The following ERC1 variants were observed in gnomAD, a reference collection of about 807,000 sequenced individuals.
The protein encoded by ERC1 is ELKS/RAB6-interacting/CAST family member 1, also known as RAB6 interacting protein 2.
A neutral mutation model predicts 132.0 loss-of-function variants in ERC1; 56 were observed. The observed-to-expected ratio is 0.42, with a 90% confidence interval of 0.34 to 0.53. The LOEUF (loss-of-function observed/expected upper bound fraction) is 0.53, where lower values mean the gene tolerates loss of function less well. Ranked by LOEUF, ERC1 falls within the 20% of genes least tolerant of loss-of-function variation. The pLI is 0.03. For synonymous variants in ERC1, 478 were observed against 476.1 expected (o/e 1.00, Z -0.05); for missense variants, 1,202 against 1,349.9 (o/e 0.89, Z 1.72).
chr12:1,290,849 C>T (rs1468014946), intron 15 of ERC1, among the ~76,000 whole-genome samples: 1 of 152,094 alleles, frequency 6.6e-6, no homozygotes, highest in Non-Finnish European at 1.5e-5. Flanking sequence ...TTTTCTCCTT[C>T]ATAAGGCCAG....
chr12:1,209,128 C>T lies in ERC1; in HGVS notation c.2351+19076C>T, dbSNP rs1022639878. Reference sequence around the variant, plus strand: ...GGATTACAGGGGTGTGCCACCATGCCCAGCTAATTTTTGTATTTTTAGTAG... The same window carrying T: ...GGATTACAGGGGTGTGCCACCATGCTCAGCTAATTTTTGTATTTTTAGTAG... On this transcript the variant is annotated intron_variant, in intron 12 of 18. Transcript: ENST00000360905. Among the ~76,000 whole-genome samples the T allele has an allele frequency of 2.0e-5, 3 of 151,904 alleles. 1 individual carries two copies. The highest frequency in any genetic ancestry group is 1.3e-4 in the Admixed American group (2 of 15,232).
At chr12:1,488,792 A>AT (rs1276302338) in intron 18 of ERC1, among the ~76,000 whole-genome samples, 4 of 152,108 alleles carry the variant, frequency 2.6e-5, no homozygotes, top group Non-Finnish European at 5.9e-5. Flanking sequence ...GTCAGAAATG[A>AT]TTCTCCAGTT....
intron 8 of ERC1, among the ~76,000 whole-genome samples, chr12:1,146,204 C>T (rs1950325454): frequency 1.3e-5 from 2 of 151,526 alleles, no homozygotes; most frequent in African/African-American, 4.9e-5. Flanking sequence ...CATCCATGAG[C>T]ATGGGATGTG....
At chr12:1,464,472 C>T (rs1270778774) in intron 18 of ERC1, among the ~76,000 whole-genome samples, 1 of 144,086 alleles carries the variant, frequency 6.9e-6, no homozygotes, top group Non-Finnish European at 1.5e-5. Context: ...GAATTCAGTT[C>T]TCATGTACCT....
intron 7 of ERC1, among the ~76,000 whole-genome samples, chr12:1,122,249 C>CTCTA (rs1262227101): frequency 1.2e-4 from 1 of 8,102 alleles, no homozygotes; most frequent in Non-Finnish European, 2.9e-4. Flanking sequence ...GTGTCTCTAT[C>CTCTA]TCTATCTCTA....
chr12:1,309,652 CAG>C (rs1314928390), intron 15 of ERC1, among the ~76,000 whole-genome samples: 2 of 151,560 alleles, frequency 1.3e-5, no homozygotes, highest in Non-Finnish European at 1.5e-5. Flanking sequence ...CTTGCTCTAA[CAG>C]ACACACACAT....
intron 14 of ERC1, among the ~76,000 whole-genome samples, chr12:1,284,264 T>TTGTG (rs1566481660): frequency 2.2e-5 from 2 of 92,208 alleles, no homozygotes; most frequent in Non-Finnish European, 4.7e-5. Flanking sequence ...TGAATAGTAT[T>TTGTG]CGTGTGTGTG....
At position 1,027,751 on chromosome 12, in the gene ERC1, T is replaced by C. The variant is rs1036185674; in HGVS notation, c.-153T>C. On this transcript the variant is annotated 5_prime_UTR_variant, in exon 2 of 19. The change abolishes an upstream ATG in the 5' untranslated region. Coordinates refer to ENST00000360905, the MANE Select transcript of ERC1 (RefSeq NM_178040.4). ...ATGTGTGATCTTTTCATTACAGATA[T>C]GGTGTAAGATACTTCTTCAAGATTG... The C allele has an allele frequency of 2.7e-5, 17 of 624,744 alleles. No individual in the cohort carries two copies. The highest frequency in any genetic ancestry group is 1.3e-4 in the African/African-American group (7 of 55,208). The allele number at this position is 624,744 out of a possible 1,614,324, so 38.7% of individuals were successfully genotyped here.
At chr12:1,459,691 G>A (rs921515370) in intron 18 of ERC1, among the ~76,000 whole-genome samples, 13 of 152,196 alleles carry the variant, frequency 8.5e-5, no homozygotes, top group Non-Finnish European at 1.0e-4. Context: ...AAAGTATCTC[G>A]TCAAACACAC....
chr12:1,000,067 T>A (rs1961892656), intron 1 of ERC1, among the ~76,000 whole-genome samples: 1 of 152,258 alleles, frequency 6.6e-6, no homozygotes, highest in Non-Finnish European at 1.5e-5. Flanking sequence ...GTATTCTTTT[T>A]AACTTTATTA....
intron 16 of ERC1, among the ~76,000 whole-genome samples, chr12:1,376,937 C>T (rs546263899): frequency 2.6e-5 from 4 of 152,292 alleles, no homozygotes; most frequent in South Asian, 4.1e-4. Context: ...TTTCTCCCGT[C>T]ATCCCAGCAC....
chr12:1,098,473 C>A (rs1312604370), intron 3 of ERC1, among the ~76,000 whole-genome samples: 1 of 152,168 alleles, frequency 6.6e-6, no homozygotes, highest in Non-Finnish European at 1.5e-5. Context: ...TCAAGAAATA[C>A]TTCCGCACTA....
intron 17 of ERC1, among the ~76,000 whole-genome samples, chr12:1,427,175 G>A (rs1266677671): frequency 2.0e-5 from 3 of 152,104 alleles, no homozygotes; most frequent in Non-Finnish European, 4.4e-5. Context: ...AGACAAGAAA[G>A]GAGTAGGTCT....
chr12:1,184,854 G>A (rs1015097366), intron 11 of ERC1, among the ~76,000 whole-genome samples: 5 of 152,104 alleles, frequency 3.3e-5, no homozygotes, highest in Non-Finnish European at 4.4e-5. Flanking sequence ...CTAGGTATAA[G>A]TGATCTTCCT....
chr12:1,128,110 C>G (rs560568319), intron 7 of ERC1, among the ~76,000 whole-genome samples: 1 of 152,112 alleles, frequency 6.6e-6, no homozygotes, highest in African/African-American at 2.4e-5. Context: ...GTGTAGATTC[C>G]CACAGGTAAA....
At chr12:1,332,738 GTTTA>G (rs1175335733) in intron 15 of ERC1, among the ~76,000 whole-genome samples, 2 of 152,118 alleles carry the variant, frequency 1.3e-5, no homozygotes, top group African/African-American at 4.8e-5. Flanking sequence ...CATTTCAGTA[GTTTA>G]TTTAGTATCA....
At chr12:1,190,206 G>A (rs765918267) in intron 12 of ERC1, 154 bp downstream of exon 12, 4 of 784,784 alleles carry the variant, frequency 5.1e-6, no homozygotes, top group Non-Finnish European at 9.2e-6. Context: ...TAGGTCAGTT[G>A]TACGTTCTTT....
intron 6 of ERC1, among the ~76,000 whole-genome samples, chr12:1,113,680 G>A (rs540416212): frequency 1.6e-4 from 25 of 152,302 alleles, no homozygotes; most frequent in Non-Finnish European, 3.2e-4. Context: ...ACCATATATT[G>A]GCTAGAGGGA....
At position 1,210,865 on chromosome 12, in the gene ERC1, T is replaced by C. The variant is rs377277386; in HGVS notation, c.2351+20813T>C. Among the ~76,000 whole-genome samples the C allele has an allele frequency of 9.2e-5, 14 of 151,892 alleles. 1 individual carries two copies. In the South Asian group the frequency reaches 1.7e-3, roughly 18 times the overall value. ...CAAAAATTAGTTGGGTGTGGTGGCA[T>C]GCGCCTGTAGTCCCAGCTACTCAGG... On this transcript the variant is annotated intron_variant, in intron 12 of 18. Coordinates refer to ENST00000360905, the MANE Select transcript of ERC1 (RefSeq NM_178040.4).
Sources: gnomAD v4.1 joint callset for allele counts (sites outside exome capture counted in the v4.1 genomes callset) on GRCh38, gnomAD v4.1.1 for gene constraint, MANE v1.5 for transcripts, NCBI Gene and HGNC (gene_info 2026-07-23, HGNC 2026-07-21) for gene names.